The following MMP7 variants were observed in gnomAD, a reference collection of about 807,000 sequenced individuals.
MMP7 encodes the protein matrix metallopeptidase 7.
MMP7 carries 26 observed loss-of-function variants against 31.5 expected under a neutral mutation model. That is an observed-to-expected ratio of 0.83 (90% CI 0.61 to 1.15). The LOEUF is 1.15. MMP7 is among the 50% of genes most tolerant of loss of function. The probability of loss-of-function intolerance (pLI) is 0.00; values close to 1 mark genes in which losing one functional copy is unlikely to be tolerated. For missense variants in MMP7, 367 were observed against 326.5 expected, an observed-to-expected ratio of 1.12 and a Z score of -0.96; for synonymous variants, 142 against 124.2, an observed-to-expected ratio of 1.14 and a Z score of -0.95.
At chr11:102,521,730 A>C (rs1318329855) in intron 5 of MMP7, among the ~76,000 whole-genome samples, 1 of 152,192 alleles carries the variant, frequency 6.6e-6, no homozygotes, top group Non-Finnish European at 1.5e-5. Flanking sequence ...TCTTCCTGTT[A>C]AATTTAATCA....
intron 5 of MMP7, among the ~76,000 whole-genome samples, 173 bp from the exon 6 acceptor site, chr11:102,520,977 A>C (rs1242053967): frequency 6.6e-6 from 1 of 152,228 alleles, no homozygotes. Context: ...CTAAGAAGGC[A>C]GGATTGACTG....
At chr11:102,521,941 C>G (rs1034385841) in intron 5 of MMP7, among the ~76,000 whole-genome samples, 4 of 152,134 alleles carry the variant, frequency 2.6e-5, no homozygotes, top group Admixed American at 1.3e-4. Context: ...TACGTCGTAA[C>G]TTTTGGGAAT....
intron 5 of MMP7, among the ~76,000 whole-genome samples, chr11:102,522,947 CTG>C (rs951962746): frequency 6.6e-6 from 1 of 152,170 alleles, no homozygotes; most frequent in Non-Finnish European, 1.5e-5. Flanking sequence ...ACTATTTAAA[CTG>C]AGAGAGGAAG....
intron 3 of MMP7, among the ~76,000 whole-genome samples, chr11:102,526,240 A>ATTTTT (rs762318650): frequency 2.7e-4 from 35 of 131,476 alleles, no homozygotes; most frequent in African/African-American, 8.6e-4. Flanking sequence ...ATATATATAT[A>ATTTTT]TTTTTTTTTT....
intron 3 of MMP7, among the ~76,000 whole-genome samples, chr11:102,525,768 T>TG (rs1399760428): frequency 2.0e-5 from 3 of 151,702 alleles, no homozygotes; most frequent in Non-Finnish European, 4.4e-5. Flanking sequence ...CATAGGTTTT[T>TG]TTTTTTTTTT....
At position 102,530,609 on chromosome 11, in the gene MMP7, T is replaced by G; in HGVS notation, c.92A>C (p.Gln31Pro). 6.2e-7 allele frequency: 1 copy of G among 1,613,902 alleles called. No individual in the cohort carries two copies. Among genetic ancestry groups the G allele is most frequent in the Non-Finnish European group, 8.5e-7 (1 of 1,179,816 alleles). ...PQEAGGMSELQWEQAQDYLKR... is the reference protein window; with the variant it reads ...PQEAGGMSELPWEQAQDYLKR... ...GTGACATACCTGAGCCTGTTCCCACTGTAGCTCACTCATGCCTCCCGCCTC... is the reference window on the plus strand; with the variant it reads ...GTGACATACCTGAGCCTGTTCCCACGGTAGCTCACTCATGCCTCCCGCCTC... The change falls in exon 1 of 6, where the codon CAG (glutamine) becomes CCG (proline). Residue 31 changes from glutamine (Q) to proline (P), a missense_variant. Physicochemically the swap from Gln to Pro is moderately conservative, Grantham distance 76 (BLOSUM62 -1). Coordinates refer to ENST00000260227, the MANE Select transcript of MMP7 (RefSeq NM_002423.5).
chr11:102,521,538 A>G (rs964745908), intron 5 of MMP7, among the ~76,000 whole-genome samples: 1 of 152,146 alleles, frequency 6.6e-6, no homozygotes, highest in Non-Finnish European at 1.5e-5. Flanking sequence ...GGAATCTTGT[A>G]TCTTAATCAC....
At position 102,527,794 on chromosome 11, in the gene MMP7, T is replaced by C. The variant is rs1360145689; in HGVS notation, c.298A>G (p.Asn100Asp). The C allele has an allele frequency of 6.2e-7, 1 of 1,614,180 alleles. No individual in the cohort carries two copies. The highest frequency in any genetic ancestry group is 8.5e-7 in the Non-Finnish European group (1 of 1,180,024). ...PDVAEYSLFP[N>D]SPKWTSKVVT... ...ACTTTGGAAGTCCATTTTGGGCTATTTGGAAATAGTGAGTATTCTGCAACA... is the reference window on the plus strand; with the variant it reads ...ACTTTGGAAGTCCATTTTGGGCTATCTGGAAATAGTGAGTATTCTGCAACA... The change falls in exon 2 of 6, where the codon AAT becomes GAT. Residue 100 changes from asparagine to aspartate, a missense_variant. By Grantham distance (23) the Asn-to-Asp change is conservative. Coordinates refer to ENST00000260227, the MANE Select transcript of MMP7 (RefSeq NM_002423.5).
intron 1 of MMP7, among the ~76,000 whole-genome samples, chr11:102,529,334 A>G (rs1858706778): frequency 6.6e-6 from 1 of 152,228 alleles, no homozygotes; most frequent in African/African-American, 2.4e-5. Context: ...AATCCCTTCT[A>G]GAGCTACAGA....
chr11:102,527,383 A>G (rs1263899734), intron 3 of MMP7, 141 bp downstream of exon 3: 5 of 1,038,626 alleles, frequency 4.8e-6, no homozygotes, highest in Middle Eastern at 4.2e-4. Flanking sequence ...TTATAATAAT[A>G]TTGCTAAATC....
rs543264055 is a variant in MMP7 at position 102,524,954 on chromosome 11, T to C, written c.595A>G (p.Thr199Ala). ...GCTATACCTAGACTGCTACCATCCG[T>C]CCAGCGTTCATCCTCATCGAAGTGA... ...DAHFDEDERW[T>A]DGSSLGINFL... Residue 199 changes from threonine to alanine, a missense_variant, in exon 4 of 6, where the codon ACG becomes GCG. By Grantham distance (58) the Thr-to-Ala change is moderately conservative (BLOSUM62 0). Transcript: ENST00000260227. The C allele has an allele frequency of 3.7e-6, 6 of 1,614,022 alleles. No homozygotes were observed. In the African/African-American group the frequency reaches 6.7e-5, roughly 18 times the overall value.
At chr11:102,523,475 T>TTA in intron 4 of MMP7, 74 bp from the exon 5 acceptor site, 1 of 1,198,756 alleles carries the variant, frequency 8.3e-7, no homozygotes, top group Non-Finnish European at 1.1e-6. Context: ...ATATATGATA[T>TTA]CATAATTTAA....
intron 5 of MMP7, among the ~76,000 whole-genome samples, 169 bp downstream of exon 5, chr11:102,523,071 C>G (rs1014711421): frequency 6.6e-6 from 1 of 152,084 alleles, no homozygotes; most frequent in Non-Finnish European, 1.5e-5. Flanking sequence ...ATATTACAGC[C>G]TAGTTATATT....
At chr11:102,529,939 G>T (rs1236062821) in intron 1 of MMP7, among the ~76,000 whole-genome samples, 1 of 152,092 alleles carries the variant, frequency 6.6e-6, no homozygotes, top group African/African-American at 2.4e-5. Context: ...CATGCTAGTT[G>T]GTTTTGTTAT....
At chr11:102,525,763 G>GTTTTTTTTTTTTTTTTT (rs61047680) in intron 3 of MMP7, among the ~76,000 whole-genome samples, 1 of 139,910 alleles carries the variant, frequency 7.1e-6, no homozygotes. Flanking sequence ...CATTTCATAG[G>GTTTTTTTTTTTTTTTTT]TTTTTTTTTT....
Position 102,526,234 on chromosome 11 carries a change from ATATATATTT to A in MMP7, c.485-1179_485-1171del, listed in dbSNP as rs1345812702. On this transcript the variant is annotated intron_variant, in intron 3 of 5. Coordinates refer to ENST00000260227, the MANE Select transcript of MMP7 (RefSeq NM_002423.5). Reference sequence around the variant, plus strand: ...CCACGTAAAAAAAAAAAATATATATATATATATTTTTTTTTTTTCTTTTGAGACATAGTC... The same window carrying A: ...CCACGTAAAAAAAAAAAATATATATATTTTTTTTTCTTTTGAGACATAGTC... 4.5e-5 allele frequency among the ~76,000 whole-genome samples: 6 copies of A among 132,330 alleles called. No homozygotes were observed. The East Asian group carries it at 9.2e-4, about 20-fold the overall frequency. The allele number at this position is 132,330 out of a possible 152,430, so 86.8% of individuals were successfully genotyped here.
intron 1 of MMP7, among the ~76,000 whole-genome samples, chr11:102,528,945 A>T (rs561853145): frequency 6.6e-6 from 1 of 152,354 alleles, no homozygotes; most frequent in Admixed American, 6.5e-5. Flanking sequence ...CCTATTTTAT[A>T]CATGAAGAAA....
chr11:102,523,307 A>G lies in MMP7; in HGVS notation c.708T>C (p.Tyr236=), dbSNP rs761854252. 5 of 1,612,824 alleles carry G rather than the reference A, an allele frequency of 3.1e-6. No individual in the cohort carries two copies. Among genetic ancestry groups the G allele is most frequent in the South Asian group, 2.2e-5 (2 of 90,892 alleles). The change falls in exon 5 of 6, where the codon TAT becomes TAC. Residue 236 remains tyrosine, a synonymous_variant. Transcript: ENST00000260227. ...TAAAATTTTGGGGATCTCCATTTCC[A>G]TAGGTTGGATACATCACTGCATTAG... ...SDPNAVMYPT[Y]GNGDPQNFKL... is the part of the protein sequence containing the mutation.
At chr11:102,521,661 A>T (rs1858615072) in intron 5 of MMP7, among the ~76,000 whole-genome samples, 1 of 151,954 alleles carries the variant, frequency 6.6e-6, no homozygotes, top group South Asian at 2.1e-4. Context: ...CTTGTTTCCA[A>T]CTCTGACCAG....
Sources: allele counts gnomAD v4.1 joint callset (sites outside exome capture counted in the v4.1 genomes callset), GRCh38; gene constraint gnomAD v4.1.1; transcripts MANE v1.5; gene names NCBI Gene and HGNC (gene_info 2026-07-23, HGNC 2026-07-21).